L3MBTL4: variants seen among roughly 807,000 people sequenced by gnomAD.
L3MBTL4 encodes the protein lethal(3)malignant brain tumor-like protein 4.
In L3MBTL4, 70 loss-of-function variants were observed where a neutral mutation model predicts 84.5. That is an observed-to-expected ratio of 0.83 (90% CI 0.68 to 1.01). The LOEUF (loss-of-function observed/expected upper bound fraction) is 1.01. L3MBTL4 is among the 50% of genes least tolerant of loss of function. The pLI is 0.00. For synonymous variants in L3MBTL4, 274 were observed against 259.8 expected (o/e 1.05, Z -0.52); for missense variants, 715 against 754.8 (o/e 0.95, Z 0.62).
intron 16 of L3MBTL4, among the ~76,000 whole-genome samples, chr18:6,069,125 A>G (rs1395415672): frequency 6.6e-6 from 1 of 152,196 alleles, no homozygotes; most frequent in East Asian, 1.9e-4. Context: ...GCAGTTACAT[A>G]CACTCTGTGA....
intron 1 of L3MBTL4, among the ~76,000 whole-genome samples, chr18:6,374,833 A>G (rs935961292): frequency 1.3e-5 from 2 of 152,200 alleles, no homozygotes; most frequent in African/African-American, 4.8e-5. Context: ...AGTTATTGCC[A>G]GTACTAAAAC....
At chr18:5,970,941 C>T (rs1486286322) in intron 16 of L3MBTL4, among the ~76,000 whole-genome samples, 2 of 152,196 alleles carry the variant, frequency 1.3e-5, no homozygotes, top group Admixed American at 6.5e-5. Flanking sequence ...CAGACATCCT[C>T]ATATTTAACA....
At chr18:6,206,934 T>A (rs1666498673) in intron 12 of L3MBTL4, among the ~76,000 whole-genome samples, 1 of 152,130 alleles carries the variant, frequency 6.6e-6, no homozygotes, top group Admixed American at 6.6e-5. Flanking sequence ...ATACTAAAGG[T>A]AACAACTAAT....
intron 10 of L3MBTL4, among the ~76,000 whole-genome samples, chr18:6,224,750 G>A (rs966480091): frequency 2.0e-5 from 3 of 151,948 alleles, no homozygotes; most frequent in South Asian, 2.1e-4. Flanking sequence ...AACAAAACAC[G>A]TGGTTTCCAT....
At chr18:6,049,733 G>A (rs1427844378) in intron 16 of L3MBTL4, among the ~76,000 whole-genome samples, 2 of 152,152 alleles carry the variant, frequency 1.3e-5, no homozygotes, top group African/African-American at 4.8e-5. Context: ...AGGGAGGAAA[G>A]GGGGCAAAGG....
intron 4 of L3MBTL4, among the ~76,000 whole-genome samples, chr18:6,300,052 AT>A (rs1009365921): frequency 9.6e-5 from 14 of 145,314 alleles, no homozygotes; most frequent in African/African-American, 2.1e-4. Flanking sequence ...TTTGTTTAGT[AT>A]TTTTTTTGTT....
chr18:6,305,506 T>C (rs557615078), intron 3 of L3MBTL4, among the ~76,000 whole-genome samples: 160 of 152,338 alleles, frequency 1.1e-3, no homozygotes, highest in African/African-American at 3.5e-3. Context: ...CGCTTTATCT[T>C]ATCCTTGCAG....
At chr18:6,121,339 G>A (rs765858812) in intron 14 of L3MBTL4, among the ~76,000 whole-genome samples, 1 of 152,082 alleles carries the variant, frequency 6.6e-6, no homozygotes, top group African/African-American at 2.4e-5. Context: ...ATAAATAGGC[G>A]ATGCACCTCT....
intron 3 of L3MBTL4, among the ~76,000 whole-genome samples, chr18:6,308,028 C>G (rs1048425181): frequency 4.6e-5 from 7 of 152,102 alleles, no homozygotes; most frequent in Admixed American, 6.6e-5. Flanking sequence ...TGAAATCACC[C>G]TGAAAAAAAA....
intron 4 of L3MBTL4, among the ~76,000 whole-genome samples, chr18:6,271,044 C>A (rs1433594878): frequency 6.6e-6 from 1 of 152,084 alleles, no homozygotes; most frequent in Non-Finnish European, 1.5e-5. Context: ...ACAGAGCCCG[C>A]GGGGCATGAG....
At chr18:6,198,252 A>G (rs2045495360) in intron 12 of L3MBTL4, among the ~76,000 whole-genome samples, 1 of 152,186 alleles carries the variant, frequency 6.6e-6, no homozygotes, top group Admixed American at 6.5e-5. Context: ...AACAGTAGTG[A>G]AGCACTATTT....
intron 11 of L3MBTL4, among the ~76,000 whole-genome samples, chr18:6,213,634 AC>A (rs1349094509): frequency 1.3e-5 from 2 of 151,534 alleles, no homozygotes; most frequent in Admixed American, 1.3e-4. Context: ...CTGGTCTTGA[AC>A]CCTTGACCTC....
At chr18:6,224,964 G>T (rs927113211) in intron 10 of L3MBTL4, among the ~76,000 whole-genome samples, 1 of 151,906 alleles carries the variant, frequency 6.6e-6, no homozygotes, top group African/African-American at 2.4e-5. Context: ...AAGTGAGGAA[G>T]ATTTAAACCA....
Position 6,138,280 on chromosome 18 carries a change from C to G in L3MBTL4, c.1113G>C (p.Lys371Asn). 1 of 1,610,202 alleles carries G rather than the reference C, an allele frequency of 6.2e-7. No homozygotes were observed. Among genetic ancestry groups the G allele is most frequent in the African/African-American group, 1.3e-5 (1 of 74,986 alleles). The change falls in exon 14 of 19, where the codon AAG becomes AAC. Residue 371 changes from lysine to asparagine, a missense_variant. Transcript: ENST00000317931. ...LEVPQRTNDL[K>N]ILPGQAVCPT... ...GACAGACAGCTTGACCTGGAAGGATCTTCAGGTCATTCGTTCCTTCAGGAA... is the reference window on the plus strand; with the variant it reads ...GACAGACAGCTTGACCTGGAAGGATGTTCAGGTCATTCGTTCCTTCAGGAA...
At chr18:6,299,060 G>C (rs991893106) in intron 4 of L3MBTL4, among the ~76,000 whole-genome samples, 1 of 152,072 alleles carries the variant, frequency 6.6e-6, no homozygotes, top group Non-Finnish European at 1.5e-5. Context: ...TATAGGTCTG[G>C]GATTACACGG....
chr18:6,202,665 T>C (rs2045697280), intron 12 of L3MBTL4, among the ~76,000 whole-genome samples: 1 of 151,232 alleles, frequency 6.6e-6, no homozygotes, highest in Admixed American at 6.6e-5. Context: ...CGGTTGACCA[T>C]GTGTGGTAAC....
intron 16 of L3MBTL4, chr18:6,031,910 T>A: frequency 1.2e-6 from 1 of 836,442 alleles, no homozygotes; most frequent in Non-Finnish European, 1.4e-6. Flanking sequence ...TTTAGAGTAA[T>A]GGTCACCTGC....
At chr18:6,378,897 A>C (rs2054483525) in intron 1 of L3MBTL4, among the ~76,000 whole-genome samples, 1 of 152,098 alleles carries the variant, frequency 6.6e-6, no homozygotes, top group Non-Finnish European at 1.5e-5. Flanking sequence ...TGAATCTATA[A>C]ATTATTTTGG....
chr18:6,314,036 TGATAGATAGATAGATA>T (rs5822890), intron 1 of L3MBTL4, among the ~76,000 whole-genome samples: 3,868 of 149,774 alleles, frequency 0.026, 57 homozygotes, highest in African/African-American at 0.044. Context: ...GGATGGCAGA[TGATAGATAGATAGATA>T]GATAGATAGA....
Sources: allele counts gnomAD v4.1 joint callset (sites outside exome capture counted in the v4.1 genomes callset), GRCh38; gene constraint gnomAD v4.1.1; transcripts MANE v1.5; gene names NCBI Gene and HGNC (gene_info 2026-07-23, HGNC 2026-07-21).